The following TCF12 variants were observed in gnomAD, a reference collection of about 807,000 sequenced individuals.
TCF12 encodes DNA-binding protein HTF4.
Under a neutral mutation model 86.0 loss-of-function variants are expected in TCF12, and 45 were observed. That is an observed-to-expected ratio of 0.52 (90% CI 0.41 to 0.67). TCF12 has a LOEUF of 0.67. TCF12 is among the 30% of genes least tolerant of loss of function. The pLI, the probability that TCF12 is intolerant of heterozygous loss-of-function variation, is 0.00. For missense variants in TCF12, 881 were observed against 859.9 expected (o/e 1.02, Z -0.31); for synonymous variants, 330 against 299.6 (o/e 1.10, Z -1.05).
At chr15:57,023,251 A>G (rs1372025532) in intron 3 of TCF12, among the ~76,000 whole-genome samples, 2 of 152,160 alleles carry the variant, frequency 1.3e-5, no homozygotes, top group African/African-American at 4.8e-5. Context: ...GCTTGTTTAG[A>G]GTATTTATTG....
chr15:57,227,017 G>A (rs1190075061), intron 8 of TCF12, among the ~76,000 whole-genome samples: 1 of 152,002 alleles, frequency 6.6e-6, no homozygotes. Context: ...TTCTGTGGAA[G>A]GGTATCTCAA....
chr15:57,186,962 C>T (rs950139534), intron 6 of TCF12, among the ~76,000 whole-genome samples: 2 of 152,164 alleles, frequency 1.3e-5, no homozygotes, highest in South Asian at 4.1e-4. Context: ...GGGCAGATCA[C>T]TTGAGGCCAG....
chr15:57,001,486 C>T (rs1217215076), intron 3 of TCF12: 1 of 167,032 alleles, frequency 6.0e-6, no homozygotes, highest in African/African-American at 2.4e-5. Context: ...TTTACATTCC[C>T]CAGATTGTCC....
intron 3 of TCF12, among the ~76,000 whole-genome samples, chr15:56,998,994 C>G (rs2063866323): frequency 6.6e-6 from 1 of 151,852 alleles, no homozygotes; most frequent in Non-Finnish European, 1.5e-5. Context: ...GTCAGGAGAT[C>G]GAGACCATCC....
chr15:56,955,966 C>T (rs1349487238), intron 3 of TCF12, among the ~76,000 whole-genome samples: 1 of 152,132 alleles, frequency 6.6e-6, no homozygotes, highest in Non-Finnish European at 1.5e-5. Context: ...CATCAGGTGA[C>T]TGTTTTATCA....
At chr15:57,149,126 CAA>C (rs1375761492) in intron 5 of TCF12, among the ~76,000 whole-genome samples, 1 of 152,076 alleles carries the variant, frequency 6.6e-6, no homozygotes, top group South Asian at 2.1e-4. Context: ...ATAAAAGTGT[CAA>C]AATAAATGTA....
chr15:56,939,948 A>G (rs1376493865), intron 3 of TCF12, among the ~76,000 whole-genome samples: 1 of 149,992 alleles, frequency 6.7e-6, no homozygotes, highest in African/African-American at 2.5e-5. Flanking sequence ...AGCAAAAAGA[A>G]GTGATACTTT....
chr15:57,087,456 C>T (rs1334160113), intron 4 of TCF12, among the ~76,000 whole-genome samples: 1 of 150,018 alleles, frequency 6.7e-6, no homozygotes, highest in African/African-American at 2.4e-5. Flanking sequence ...TGATTATGTG[C>T]TGTTTAGTTT....
In TCF12 at chr15:57,233,084, ATATG is replaced by A. The variant is rs538290310; in HGVS notation, c.970+232_970+235del. On this transcript the variant is annotated intron_variant, in intron 11 of 20. Coordinates refer to ENST00000333725, the MANE Select transcript of TCF12 (RefSeq NM_207037.2). The stretch of plus-strand genomic sequence containing the variant: ...ATATATGTATATGTGTGTTTTTTAT[ATATG>A]TATATATAGGTATATATGTATATAT... Among the ~76,000 whole-genome samples the A allele has an allele frequency of 1.5e-3, 218 of 149,008 alleles. 1 individual carries two copies. Among genetic ancestry groups the A allele is most frequent in the African/African-American group, 5.0e-3 (203 of 40,844 alleles).
chr15:57,010,085 G>C (rs144662715), intron 3 of TCF12, among the ~76,000 whole-genome samples: 29 of 152,104 alleles, frequency 1.9e-4, no homozygotes, highest in African/African-American at 7.0e-4. Flanking sequence ...TCTTTACTCT[G>C]CATAACTGAT....
intron 3 of TCF12, among the ~76,000 whole-genome samples, chr15:56,950,687 A>AT (rs2061225993): frequency 6.8e-6 from 1 of 146,358 alleles, no homozygotes; most frequent in South Asian, 2.2e-4. Context: ...TCTCCTGTTA[A>AT]TGGACATTTG....
At chr15:57,203,489 C>A (rs2591068) in intron 8 of TCF12, among the ~76,000 whole-genome samples, 1 of 151,968 alleles carries the variant, frequency 6.6e-6, no homozygotes, top group Non-Finnish European at 1.5e-5. Flanking sequence ...GATTTGAAAT[C>A]CCTTCCTAGA....
At chr15:57,184,969 A>AATGGAGACT (rs2056580831) in intron 6 of TCF12, among the ~76,000 whole-genome samples, 1 of 152,188 alleles carries the variant, frequency 6.6e-6, no homozygotes, top group Admixed American at 6.6e-5. Flanking sequence ...TTATTATTTT[A>AATGGAGACT]ATGGAGACTA....
chr15:57,032,697 G>C (rs2066274521), intron 3 of TCF12, among the ~76,000 whole-genome samples: 1 of 152,168 alleles, frequency 6.6e-6, no homozygotes, highest in African/African-American at 2.4e-5. Flanking sequence ...CTCCCACCTA[G>C]GCCTCCAAGA....
downstream of TCF12, chr15:57,291,003 A>C (rs143139850): frequency 3.9e-4 from 60 of 152,332 alleles, no homozygotes; most frequent in African/African-American, 1.4e-3. Context: ...GGCATTCCAC[A>C]GTCAAGTAAA....
At chr15:56,940,421 A>T (rs769382516) in intron 3 of TCF12, among the ~76,000 whole-genome samples, 2 of 151,852 alleles carry the variant, frequency 1.3e-5, no homozygotes, top group Non-Finnish European at 2.9e-5. Context: ...GCACATCTAG[A>T]CATGATGTCT....
chr15:57,036,400 A>G (rs1244916316), intron 3 of TCF12, among the ~76,000 whole-genome samples: 1 of 152,194 alleles, frequency 6.6e-6, no homozygotes, highest in Admixed American at 6.5e-5. Context: ...AGGTCATGTA[A>G]TAACTCTAAG....
chr15:57,026,609 T>G (rs2065838658), intron 3 of TCF12, among the ~76,000 whole-genome samples: 1 of 152,268 alleles, frequency 6.6e-6, no homozygotes, highest in South Asian at 2.1e-4. Flanking sequence ...GTATTAAACT[T>G]TGCTTTGTAT....
chr15:57,068,023 G>A (rs2069050721), intron 4 of TCF12, among the ~76,000 whole-genome samples: 1 of 152,088 alleles, frequency 6.6e-6, no homozygotes, highest in African/African-American at 2.4e-5. Flanking sequence ...AGGTGTTAAT[G>A]ACTTACTCTA....
Sources: gnomAD v4.1 joint callset for allele counts (sites outside exome capture counted in the v4.1 genomes callset) on GRCh38, gnomAD v4.1.1 for gene constraint, MANE v1.5 for transcripts, NCBI Gene and HGNC (gene_info 2026-07-23, HGNC 2026-07-21) for gene names.